The following CHODL variants were observed in gnomAD, a reference collection of about 807,000 sequenced individuals.
CHODL encodes the protein chondrolectin.
A neutral mutation model predicts 34.5 loss-of-function variants in CHODL; 29 were observed. The ratio of observed to expected loss-of-function variants is 0.84; its 90% confidence interval spans 0.63 to 1.15. CHODL has a LOEUF of 1.15. Ranked by LOEUF, CHODL falls within the 50% of genes most tolerant of loss-of-function variation. The probability of loss-of-function intolerance (pLI) is 0.00; values close to 1 mark genes in which losing one functional copy is unlikely to be tolerated. For synonymous variants in CHODL, 125 were observed against 116.1 expected (o/e 1.08, Z -0.49); for missense variants, 332 against 332.5 (o/e 1.00, Z 0.01).
At chr21:18,245,374 C>T (rs2074127015) in intron 1 of CHODL, 72 bp downstream of exon 1, 1 of 1,325,794 alleles carries the variant, frequency 7.5e-7, no homozygotes, top group African/African-American at 1.5e-5. Flanking sequence ...GCAGCCTGTT[C>T]TCGGGCGGAG....
intron 2 of CHODL, among the ~76,000 whole-genome samples, chr21:18,185,384 G>A (rs1445031125): frequency 6.6e-6 from 1 of 152,136 alleles, no homozygotes; most frequent in Non-Finnish European, 1.5e-5. Context: ...AGTATCCCAT[G>A]GTGTATATGT....
At chr21:18,199,746 G>GT (rs2073631209) in intron 2 of CHODL, among the ~76,000 whole-genome samples, 1 of 151,990 alleles carries the variant, frequency 6.6e-6, no homozygotes, top group African/African-American at 2.4e-5. Context: ...TTCTTTATCC[G>GT]TTTAAGTTTC....
intron 1 of CHODL, among the ~76,000 whole-genome samples, chr21:18,253,123 G>T (rs1307733186): frequency 6.6e-6 from 1 of 151,970 alleles, no homozygotes; most frequent in Non-Finnish European, 1.5e-5. Context: ...TTAATTTTAT[G>T]AGTTAATTTA....
At chr21:17,999,711 C>T (rs1364843387) in intron 1 of CHODL, among the ~76,000 whole-genome samples, 1 of 152,086 alleles carries the variant, frequency 6.6e-6, no homozygotes, top group Admixed American at 6.6e-5. Context: ...AAGACCAGCC[C>T]CCATATTCAA....
rs2072995830 is a variant in CHODL, at chr21:18,153,469, C to T, written c.-44-103040C>T. On this transcript the variant is annotated intron_variant, in intron 2 of 6. Coordinates refer to the CHODL transcript ENST00000400127. ...CTTATGCTTCAAATATCTTTGACCT[C>T]CCTTTTTGCCTCGTAACTTCTCTGT... Among the ~76,000 whole-genome samples the T allele has an allele frequency of 2.0e-5, 3 of 152,182 alleles. No individual in the cohort carries two copies. In the South Asian group the frequency reaches 6.2e-4, roughly 32 times the overall value.
intron 1 of CHODL, among the ~76,000 whole-genome samples, chr21:17,945,011 C>A (rs986369015): frequency 6.6e-6 from 1 of 152,016 alleles, no homozygotes; most frequent in African/African-American, 2.4e-5. Flanking sequence ...GAGATCGAGA[C>A]CATCCTGGCT....
At chr21:18,208,760 C>CA (rs2073740830) in intron 2 of CHODL, among the ~76,000 whole-genome samples, 1 of 152,094 alleles carries the variant, frequency 6.6e-6, no homozygotes, top group African/African-American at 2.4e-5. Flanking sequence ...CTCAGAGGTA[C>CA]AAATTTGGTT....
intron 1 of CHODL, among the ~76,000 whole-genome samples, chr21:17,926,570 C>G (rs9975109): frequency 0.065 from 9,874 of 152,040 alleles, 886 homozygotes; most frequent in African/African-American, 0.2. Context: ...AGGGCCTCAG[C>G]ATGGAGAGAT....
At chr21:17,959,077 A>C (rs1203138685) in intron 1 of CHODL, among the ~76,000 whole-genome samples, 1 of 152,118 alleles carries the variant, frequency 6.6e-6, no homozygotes, top group Non-Finnish European at 1.5e-5. Flanking sequence ...GGAAATAAGG[A>C]AAAAGGGAGA....
chr21:18,096,921 A>C (rs1052854169), intron 2 of CHODL, among the ~76,000 whole-genome samples: 9 of 152,258 alleles, frequency 5.9e-5, no homozygotes, highest in African/African-American at 1.9e-4. Flanking sequence ...AGGCCCAGCT[A>C]TAAAATTTCT....
chr21:18,101,829 T>TA (rs1379614461), intron 2 of CHODL, among the ~76,000 whole-genome samples: 2 of 151,786 alleles, frequency 1.3e-5, no homozygotes, highest in Admixed American at 1.3e-4. Flanking sequence ...ATGAGAGAAA[T>TA]ATATATTTAG....
chr21:18,123,533 T>C (rs910039684), intron 2 of CHODL, among the ~76,000 whole-genome samples: 1 of 152,028 alleles, frequency 6.6e-6, no homozygotes, highest in Non-Finnish European at 1.5e-5. Context: ...GGCCCTAGAA[T>C]CTAGTGAGGG....
At chr21:18,181,776 T>C (rs904050868) in intron 2 of CHODL, among the ~76,000 whole-genome samples, 1 of 152,232 alleles carries the variant, frequency 6.6e-6, no homozygotes, top group Non-Finnish European at 1.5e-5. Context: ...ACATTTTATA[T>C]GAATGGAATC....
chr21:17,996,149 C>T (rs1271780505), intron 1 of CHODL, among the ~76,000 whole-genome samples: 1 of 151,914 alleles, frequency 6.6e-6, no homozygotes, highest in Non-Finnish European at 1.5e-5. Flanking sequence ...AACTCAAATG[C>T]AGTCAGTTAT....
At chr21:18,001,680 A>C (rs1021776624) in intron 1 of CHODL, among the ~76,000 whole-genome samples, 1 of 151,872 alleles carries the variant, frequency 6.6e-6, no homozygotes, top group Admixed American at 6.6e-5. Flanking sequence ...GAATTCATGC[A>C]TATTACATTG....
At chr21:18,035,647 T>A (rs995388977) in intron 2 of CHODL, among the ~76,000 whole-genome samples, 1 of 152,014 alleles carries the variant, frequency 6.6e-6, no homozygotes, top group African/African-American at 2.4e-5. Flanking sequence ...TCTTTTTCAG[T>A]CTTTGTTTAC....
Position 18,267,260 on chromosome 21 carries a change from G to A in CHODL, c.*1222G>A, listed in dbSNP as rs1051530. 4 of 151,984 alleles carry A rather than the reference G, an allele frequency of 2.6e-5. No homozygotes were observed. Among genetic ancestry groups the A allele is most frequent in the African/African-American group, 9.7e-5 (4 of 41,372 alleles). The allele number at this position is 151,984 out of a possible 1,614,324, so 9.4% of individuals were successfully genotyped here. On this transcript the variant is annotated 3_prime_UTR_variant, in exon 6 of 6. Transcript: ENST00000299295. ...TGGCTCCTTTCTGTCTTATCTCCTA[G>A]TTTCTTCAATGCTTACGCCTTGTTC...
chr21:17,958,880 C>T (rs1000011487), intron 1 of CHODL, among the ~76,000 whole-genome samples: 1 of 151,908 alleles, frequency 6.6e-6, no homozygotes, highest in Admixed American at 6.6e-5. Context: ...TCAGTGTATT[C>T]TTTCTGTTTT....
chr21:18,023,954 G>A lies in CHODL; in HGVS notation c.-144-3918G>A, dbSNP rs572849042. Among the ~76,000 whole-genome samples, 8 of 152,294 alleles carry A rather than the reference G, an allele frequency of 5.3e-5. No homozygotes were observed. The South Asian group carries it at 1.7e-3, about 32-fold the overall frequency. On this transcript the variant is annotated intron_variant, in intron 1 of 6. Coordinates refer to the CHODL transcript ENST00000400127. ...ACTAGTGATTAGTTATGGTAAAAGAGAAGGCAAGAGACAGTCCCCCTATGA... is the reference window on the plus strand; with the variant it reads ...ACTAGTGATTAGTTATGGTAAAAGAAAAGGCAAGAGACAGTCCCCCTATGA...
Sources: gnomAD v4.1 joint callset for allele counts (sites outside exome capture counted in the v4.1 genomes callset) on GRCh38, gnomAD v4.1.1 for gene constraint, MANE v1.5 for transcripts, NCBI Gene and HGNC (gene_info 2026-07-23, HGNC 2026-07-21) for gene names.